The following NFIB variants were observed in gnomAD, a reference collection of about 807,000 sequenced individuals.
NFIB encodes nuclear factor 1 B-type.
NFIB carries 11 observed loss-of-function variants against 61.5 expected under a neutral mutation model. That is an observed-to-expected ratio of 0.18 (90% CI 0.11 to 0.30). The LOEUF (loss-of-function observed/expected upper bound fraction) is 0.30, where lower values mean the gene tolerates loss of function less well. NFIB is among the 10% of genes least tolerant of loss of function. The pLI is 1.00. For synonymous variants in NFIB, 260 were observed against 216.5 expected (o/e 1.20, Z -1.76); for missense variants, 471 against 608.9 (o/e 0.77, Z 2.38).
At chr9:14,320,697 C>T (rs2060639671) in intron 1 of NFIB, among the ~76,000 whole-genome samples, 1 of 152,210 alleles carries the variant, frequency 6.6e-6, no homozygotes, top group South Asian at 2.1e-4. Flanking sequence ...TACACACATA[C>T]ACCCTGCTTA....
the NFIB span, among the ~76,000 whole-genome samples, chr9:14,521,272 C>T: frequency 6.6e-6 from 1 of 152,208 alleles, no homozygotes; most frequent in Admixed American, 6.5e-5. Context: ...GTTCTGTCCT[C>T]TAACTAAAAG....
At chr9:14,189,627 G>A (rs997113090) in intron 2 of NFIB, among the ~76,000 whole-genome samples, 21 of 149,642 alleles carry the variant, frequency 1.4e-4, no homozygotes, top group African/African-American at 5.2e-4. Flanking sequence ...CACCTACTTG[G>A]TTGCACTGCC....
At chr9:14,463,659 CTTTTTTTT>C in the NFIB span, among the ~76,000 whole-genome samples, 3 of 65,824 alleles carry the variant, frequency 4.6e-5, no homozygotes, top group Non-Finnish European at 8.9e-5. Flanking sequence ...ATTTGATTTT[CTTTTTTTT>C]TTTTTTTTTT....
intron 1 of NFIB, among the ~76,000 whole-genome samples, chr9:14,346,505 C>G (rs2061024565): frequency 6.6e-6 from 1 of 152,120 alleles, no homozygotes; most frequent in Non-Finnish European, 1.5e-5. Flanking sequence ...CCAGCGTCCC[C>G]AGGCCCAGCA....
chr9:14,299,448 ATGGAG>A (rs1407918420), intron 2 of NFIB, among the ~76,000 whole-genome samples: 3 of 152,244 alleles, frequency 2.0e-5, no homozygotes, highest in Admixed American at 1.3e-4. Flanking sequence ...ACTATTTTGA[ATGGAG>A]TTGAAGCTAA....
the NFIB span, among the ~76,000 whole-genome samples, chr9:14,418,056 G>C: frequency 1.3e-5 from 2 of 152,104 alleles, no homozygotes; most frequent in African/African-American, 4.8e-5. Context: ...TGGGATTACA[G>C]CGCGGTGAGC....
At chr9:14,227,509 A>G (rs1006783197) in intron 2 of NFIB, among the ~76,000 whole-genome samples, 17 of 152,228 alleles carry the variant, frequency 1.1e-4, no homozygotes, top group Non-Finnish European at 2.2e-4. Flanking sequence ...GGAGAAAGGC[A>G]CACCTACTTT....
chr9:14,115,805 G>C (rs930953821), intron 9 of NFIB, among the ~76,000 whole-genome samples: 1 of 152,206 alleles, frequency 6.6e-6, no homozygotes, highest in African/African-American at 2.4e-5. Context: ...GAAGGGGCTT[G>C]ATTTCTATAG....
intron 2 of NFIB, among the ~76,000 whole-genome samples, chr9:14,229,774 C>G (rs1198805469): frequency 6.6e-6 from 1 of 152,156 alleles, no homozygotes; most frequent in Non-Finnish European, 1.5e-5. Flanking sequence ...GTTCCAGGCT[C>G]TAAAAATATC....
At chr9:14,410,795 G>A in the NFIB span, among the ~76,000 whole-genome samples, 1 of 152,086 alleles carries the variant, frequency 6.6e-6, no homozygotes, top group Non-Finnish European at 1.5e-5. Context: ...ACAGTGCTTG[G>A]CTCAGTGACC....
intron 2 of NFIB, among the ~76,000 whole-genome samples, chr9:14,295,809 T>C (rs7040854): frequency 0.026 from 3,905 of 152,320 alleles, 181 homozygotes; most frequent in African/African-American, 0.09. Context: ...TTACGAGTAC[T>C]TGATAGGACA....
intron 2 of NFIB, among the ~76,000 whole-genome samples, chr9:14,207,067 G>T (rs952768986): frequency 2.0e-5 from 3 of 152,188 alleles, no homozygotes; most frequent in Non-Finnish European, 2.9e-5. Context: ...TTGTTTACAT[G>T]TCCAATACTG....
chr9:14,231,619 A>G (rs1270936280), intron 2 of NFIB, among the ~76,000 whole-genome samples: 1 of 152,202 alleles, frequency 6.6e-6, no homozygotes, highest in Non-Finnish European at 1.5e-5. Context: ...TTTTGAAGGT[A>G]TATTTTCTAC....
At chr9:14,493,861 G>A in the NFIB span, among the ~76,000 whole-genome samples, 803 of 152,206 alleles carry the variant, frequency 5.3e-3, 1 homozygote, top group Non-Finnish European at 9.4e-3. Flanking sequence ...GGTCTTTTGC[G>A]GCAAAACAAT....
chr9:14,304,434 C>T (rs895480052), intron 2 of NFIB, among the ~76,000 whole-genome samples: 1 of 152,160 alleles, frequency 6.6e-6, no homozygotes, highest in Non-Finnish European at 1.5e-5. Flanking sequence ...TGTAACATCA[C>T]TCCACACTGC....
At chr9:14,430,767 A>G in the NFIB span, among the ~76,000 whole-genome samples, 1 of 152,034 alleles carries the variant, frequency 6.6e-6, no homozygotes, top group Non-Finnish European at 1.5e-5. Flanking sequence ...TTTTTCGTAG[A>G]GAGGGGGTTT....
chr9:14,125,514 T>G, intron 7 of NFIB, 118 bp downstream of exon 7: 1 of 1,393,640 alleles, frequency 7.2e-7, no homozygotes, highest in Middle Eastern at 2.7e-4. Flanking sequence ...CCCCTCACCA[T>G]ATGGGTTGAG....
chr9:14,526,259 G>C, the NFIB span, among the ~76,000 whole-genome samples: 3 of 152,070 alleles, frequency 2.0e-5, no homozygotes, highest in African/African-American at 7.2e-5. Context: ...ATTAATGTTA[G>C]AACATTGAGA....
chr9:14,246,999 ATCTC>A (rs34679914), intron 2 of NFIB, among the ~76,000 whole-genome samples: 1 of 150,870 alleles, frequency 6.6e-6, no homozygotes, highest in East Asian at 2.0e-4. Flanking sequence ...CTTTCACTAT[ATCTC>A]TCTCTCTCTC....
Sources: gnomAD v4.1 joint callset for allele counts (sites outside exome capture counted in the v4.1 genomes callset) on GRCh38, gnomAD v4.1.1 for gene constraint, MANE v1.5 for transcripts, NCBI Gene and HGNC (gene_info 2026-07-23, HGNC 2026-07-21) for gene names.